The following STRIP2 variants were observed in gnomAD, a reference collection of about 807,000 sequenced individuals.
STRIP2 encodes striatin-interacting protein 2.
In STRIP2, 84 loss-of-function variants were observed where a neutral mutation model predicts 107.1. The observed-to-expected ratio is 0.78, with a 90% CI of 0.66 to 0.94. STRIP2 has a LOEUF of 0.94. Among genes scored for constraint, STRIP2 ranks in the 40% least tolerant of loss-of-function variants. STRIP2 has a pLI of 0.00. For synonymous variants in STRIP2, 394 were observed against 400.4 expected, an observed-to-expected ratio of 0.98 and a Z score of 0.19; for missense variants, 888 against 1,034.2, an observed-to-expected ratio of 0.86 and a Z score of 1.94.
intron 20 of STRIP2, chr7:129,484,446 G>T (rs1257200196): frequency 6.6e-6 from 1 of 152,176 alleles, no homozygotes; most frequent in Non-Finnish European, 1.5e-5. Context: ...TCTTTGCTGT[G>T]TTTGTAACCT....
chr7:129,479,856 G>A (rs1436015726), intron 18 of STRIP2, among the ~76,000 whole-genome samples: 2 of 152,090 alleles, frequency 1.3e-5, no homozygotes, highest in Admixed American at 1.3e-4. Context: ...TTAGGTATTA[G>A]GAAAGCCTAA....
chr7:129,438,700 A>G (rs1283012202), intron 1 of STRIP2, among the ~76,000 whole-genome samples: 1 of 152,092 alleles, frequency 6.6e-6, no homozygotes, highest in Non-Finnish European at 1.5e-5. Context: ...CACCAGCCAT[A>G]GGTGGGATCC....
intron 2 of STRIP2, among the ~76,000 whole-genome samples, chr7:129,440,539 CA>C (rs560079342): frequency 2.4e-3 from 361 of 152,294 alleles, no homozygotes; most frequent in Admixed American, 6.9e-3. Context: ...CTTCCTCTCG[CA>C]ACTGCCCCTT....
chr7:129,460,746 A>G (rs925165790), intron 13 of STRIP2, among the ~76,000 whole-genome samples: 9 of 152,212 alleles, frequency 5.9e-5, no homozygotes, highest in African/African-American at 1.9e-4. Flanking sequence ...AGCATTCCAA[A>G]CAGAGAGAAC....
chr7:129,442,398 A>T (rs1255688008), intron 2 of STRIP2, among the ~76,000 whole-genome samples: 3 of 152,180 alleles, frequency 2.0e-5, no homozygotes, highest in African/African-American at 7.2e-5. Context: ...CTTGTGAAGG[A>T]TACACACCAA....
At chr7:129,466,614 T>C (rs1360437761) in intron 16 of STRIP2, among the ~76,000 whole-genome samples, 1 of 152,222 alleles carries the variant, frequency 6.6e-6, no homozygotes, top group African/African-American at 2.4e-5. Flanking sequence ...ACTGCTCTTA[T>C]GGCCACCTGT....
chr7:129,446,204 T>C (rs1798029811), intron 3 of STRIP2, among the ~76,000 whole-genome samples: 1 of 152,142 alleles, frequency 6.6e-6, no homozygotes, highest in East Asian at 1.9e-4. Flanking sequence ...AGAGGCTGAT[T>C]GGTGTCCACA....
intron 2 of STRIP2, among the ~76,000 whole-genome samples, chr7:129,443,653 C>T (rs149019106): frequency 1.1e-4 from 16 of 152,298 alleles, no homozygotes; most frequent in Non-Finnish European, 2.4e-4. Flanking sequence ...GTTGTGTTGC[C>T]CTCCTCTTCT....
At position 129,482,977 on chromosome 7, in the gene STRIP2, A is replaced by G. The variant is rs1013717394; in HGVS notation, c.2185A>G (p.Met729Val). Residue 729 changes from methionine to valine, a missense_variant, in exon 20 of 21, where the codon ATG becomes GTG. Physicochemically the swap from Met to Val is conservative, Grantham distance 21. Coordinates refer to ENST00000249344, the MANE Select transcript of STRIP2 (RefSeq NM_020704.3). ...YLGRQWRKSNMKTMSAIYQKV... is the reference protein window; with the variant it reads ...YLGRQWRKSNVKTMSAIYQKV... ...GGGGCGCCAATGGAGGAAAAGCAACATGAAAACCATGTCAGCCATTTACCA... is the reference window on the plus strand; with the variant it reads ...GGGGCGCCAATGGAGGAAAAGCAACGTGAAAACCATGTCAGCCATTTACCA... 5 of 1,614,134 alleles carry G rather than the reference A, an allele frequency of 3.1e-6. No homozygotes were observed. The African/African-American group carries it at 5.3e-5, about 17-fold the overall frequency.
intron 18 of STRIP2, among the ~76,000 whole-genome samples, chr7:129,480,118 A>G (rs1266405882): frequency 1.3e-5 from 2 of 152,220 alleles, no homozygotes; most frequent in African/African-American, 2.4e-5. Flanking sequence ...CCAAATTCAC[A>G]TAAGGACTCA....
chr7:129,458,637 G>A lies in STRIP2; in HGVS notation c.1275-75G>A. ...CAGTCCTCTGATTGGAGGGATAGGA[G>A]CCCGGAAAGTTTTTCTCTCTCAAAG... On this transcript the variant is annotated intron_variant, in intron 10 of 20. Coordinates refer to ENST00000249344, the MANE Select transcript of STRIP2 (RefSeq NM_020704.3). This position sits in a 1 kb window ranked among gnomAD's most constrained non-coding sequence, Gnocchi z 4.6. 6.6e-7 allele frequency: 1 copy of A among 1,519,668 alleles called. No individual in the cohort carries two copies. The allele number at this position is 1,519,668 out of a possible 1,614,324, so 94.1% of individuals were successfully genotyped here.
At position 129,463,011 on chromosome 7, in the gene STRIP2, G is replaced by T; in HGVS notation, c.1522G>T (p.Gly508Ter). Residue 508 changes from glycine to a stop codon, truncating the protein, a stop_gained, in exon 14 of 21, where the codon GGA becomes TGA. Transcript: ENST00000249344. LOFTEE classifies it high-confidence loss of function. ...GACGCCATGTGAAATCCTCTACCAG[G>T]GAATGCTGTACAGCCTTCCGCAGTA... ...PETPCEILYQGMLYSLPQYMI... is the reference protein window; with the variant it reads ...PETPCEILYQ The T allele has an allele frequency of 6.2e-7, 1 of 1,614,092 alleles. No individual in the cohort carries two copies. Among genetic ancestry groups the T allele is most frequent in the South Asian group, 1.1e-5 (1 of 91,074 alleles).
At chr7:129,474,515 T>C (rs1345573355) in intron 18 of STRIP2, among the ~76,000 whole-genome samples, 2 of 152,016 alleles carry the variant, frequency 1.3e-5, no homozygotes, top group African/African-American at 4.8e-5. Flanking sequence ...AGTGGAATTA[T>C]TGGGCTGAAG....
At chr7:129,443,940 C>T in intron 2 of STRIP2, 84 bp from the exon 3 acceptor site, 1 of 1,000,150 alleles carries the variant, frequency 1.0e-6, no homozygotes, top group Non-Finnish European at 1.6e-6. Context: ...TTGGAAGCTT[C>T]AGCTCTTTCA....
intron 3 of STRIP2, among the ~76,000 whole-genome samples, chr7:129,450,565 G>A (rs1404101138): frequency 6.6e-6 from 1 of 152,200 alleles, no homozygotes; most frequent in African/African-American, 2.4e-5. Context: ...ACAAATGTGT[G>A]GTGAGTATCT....
rs763890979 is a variant in STRIP2, at chr7:129,483,082, T to C, written c.2254+36T>C. Reference sequence around the variant, plus strand: ...CCAAAGCTCTTGACTTCCTGGAGTTTCCTGGGGTTTAGACAAAACTAAATA... The same window carrying C: ...CCAAAGCTCTTGACTTCCTGGAGTTCCCTGGGGTTTAGACAAAACTAAATA... On this transcript the variant is annotated intron_variant, in intron 20 of 20. Coordinates refer to ENST00000249344, the MANE Select transcript of STRIP2 (RefSeq NM_020704.3). The surrounding 1 kb of genome is among the most constrained non-coding windows in gnomAD (Gnocchi z 5.1). The C allele has an allele frequency of 1.0e-5, 16 of 1,607,314 alleles. No homozygotes were observed. In the East Asian group the frequency reaches 3.1e-4, roughly 31 times the overall value.
chr7:129,463,429 C>T (rs566324179), intron 14 of STRIP2, among the ~76,000 whole-genome samples: 9 of 148,758 alleles, frequency 6.1e-5, no homozygotes, highest in Non-Finnish European at 1.0e-4. Context: ...GGGTTTATGC[C>T]GCCCACCTTA....
intron 18 of STRIP2, among the ~76,000 whole-genome samples, chr7:129,473,124 C>T (rs1407117414): frequency 6.6e-6 from 1 of 151,700 alleles, no homozygotes; most frequent in African/African-American, 2.4e-5. Context: ...AGTTTTTTTC[C>T]TGATATTAAA....
chr7:129,456,663 T>C, intron 9 of STRIP2, 21 bp downstream of exon 9: 1 of 1,604,164 alleles, frequency 6.2e-7, no homozygotes, highest in South Asian at 1.1e-5. Context: ...AAGCAGACAA[T>C]GGTATTGGGA....
Sources: gnomAD v4.1 joint callset for allele counts (sites outside exome capture counted in the v4.1 genomes callset) on GRCh38, gnomAD v4.1.1 for gene constraint, Gnocchi (gnomAD v3.1) non-coding constraint, MANE v1.5 for transcripts, NCBI Gene and HGNC (gene_info 2026-07-23, HGNC 2026-07-21) for gene names.